The following PTCH2 variants were observed in gnomAD, a reference collection of about 807,000 sequenced individuals.
PTCH2 encodes the protein patched 2.
Under a neutral mutation model 117.9 loss-of-function variants are expected in PTCH2, and 96 were observed. That is an observed-to-expected ratio of 0.81 (90% CI 0.69 to 0.96). The LOEUF is 0.96. Ranked by LOEUF, PTCH2 falls within the 50% of genes least tolerant of loss-of-function variation. The pLI, the probability that PTCH2 is intolerant of heterozygous loss-of-function variation, is 0.00. For synonymous variants in PTCH2, 615 were observed against 660.9 expected, an observed-to-expected ratio of 0.93 and a Z score of 1.06; for missense variants, 1,379 against 1,562.5, an observed-to-expected ratio of 0.88 and a Z score of 1.98.
intron 2 of PTCH2, among the ~76,000 whole-genome samples, chr1:44,833,030 G>T (rs571452702): frequency 1.1e-4 from 17 of 152,260 alleles, no homozygotes; most frequent in African/African-American, 3.6e-4. Context: ...AACCCTGGCA[G>T]GGGTGAAATC....
Position 44,827,654 on chromosome 1 carries a change from C to T in PTCH2, c.2119G>A (p.Val707Met). Residue 707 changes from valine to methionine, a missense_variant, in exon 15 of 22, where the codon GTG becomes ATG. Physicochemically the swap from Val to Met is conservative, Grantham distance 21. Coordinates refer to ENST00000372192, the MANE Select transcript of PTCH2 (RefSeq NM_003738.5). ...LGLSLYGATL[V>M]QDGLALTDVV... is the part of the protein sequence containing the mutation. ...TCCGTCAGGGCCAGGCCGTCTTGCA[C>T]CAAGGTGGCTCCGTAGAGGCTCAGG... 1 of 1,613,226 alleles carries T rather than the reference C, an allele frequency of 6.2e-7. No homozygotes were observed. Among genetic ancestry groups the T allele is most frequent in the Non-Finnish European group, 8.5e-7 (1 of 1,180,026 alleles).
chr1:44,825,395 C>T (rs1427692838), intron 19 of PTCH2, among the ~76,000 whole-genome samples: 1 of 152,150 alleles, frequency 6.6e-6, no homozygotes, highest in Non-Finnish European at 1.5e-5. Flanking sequence ...ACCTCGGCTT[C>T]CCAAAGTGCT....
Position 44,829,620 on chromosome 1 carries a change from A to G in PTCH2, c.1077T>C (p.Phe359=). The G allele has an allele frequency of 6.2e-7, 1 of 1,614,218 alleles. No homozygotes were observed. Residue 359 remains phenylalanine (F), a synonymous_variant, in exon 8 of 22, where the codon TTT becomes TTC. Coordinates refer to ENST00000372192, the MANE Select transcript of PTCH2 (RefSeq NM_003738.5). The part of the protein sequence containing the change: ...STVLQAWQRR[F]VQLAQEALPE... ...TGTCCTTGTCCATACCGACCTGCAC[A>G]AAGCGCCGCTGCCAGGCTTGTAGCA...
rs1222116549 is a variant in PTCH2, at chr1:44,831,658, G to A, written c.617+48C>T. On this transcript the variant is annotated intron_variant, in intron 5 of 21. Transcript: ENST00000372192. The surrounding 1 kb of genome is among the most constrained non-coding windows in gnomAD (Gnocchi z 4.3). ...TCCCCAGACCCCTCCTTTCTGCTGG[G>A]AGAGTCCCCAGCGGGAGATGAAGCA... The A allele has an allele frequency of 1.3e-6, 2 of 1,493,512 alleles. No homozygotes were observed. Among genetic ancestry groups the A allele is most frequent in the Admixed American group, 2.0e-5 (1 of 50,946 alleles). The allele number at this position is 1,493,512 out of a possible 1,614,324, so 92.5% of individuals were successfully genotyped here. A position where few individuals can be genotyped will look rare whatever the true frequency, so the allele number is the denominator to read the frequency against.
chr1:44,834,909 C>G (rs568185891), intron 2 of PTCH2, among the ~76,000 whole-genome samples: 26 of 152,256 alleles, frequency 1.7e-4, no homozygotes, highest in African/African-American at 6.0e-4. Context: ...TAGGAAATTG[C>G]ATGGCACACA....
chr1:44,829,971 C>A lies in PTCH2; in HGVS notation c.873G>T (p.Met291Ile), dbSNP rs374026806. 3.8e-5 allele frequency: 62 copies of A among 1,614,050 alleles called. No homozygotes were observed. The highest frequency in any genetic ancestry group is 4.9e-5 in the Non-Finnish European group (58 of 1,180,022). Reference sequence around the variant, plus strand: ...CCAGCAGCAATTCCTCCTGCCAGTGCATGAATTTGTGGGAGAAGCCATGGC... The same window carrying A: ...CCAGCAGCAATTCCTCCTGCCAGTGAATGAATTTGTGGGAGAAGCCATGGC... ...GGCHGFSHKF[M>I]HWQEELLLGG... The change falls in exon 7 of 22, where the codon ATG (methionine) becomes ATT (isoleucine). Residue 291 changes from methionine to isoleucine, a missense_variant. Physicochemically the swap from Met to Ile is conservative, Grantham distance 10. Transcript: ENST00000372192.
At position 44,823,666 on chromosome 1, in the gene PTCH2, C is replaced by T. The variant is rs182461458; in HGVS notation, c.3115-281G>A. Among the ~76,000 whole-genome samples the T allele has an allele frequency of 2.4e-4, 36 of 151,390 alleles. No individual in the cohort carries two copies. The East Asian group carries it at 5.1e-3, about 21-fold the overall frequency. On this transcript the variant is annotated intron_variant, in intron 19 of 21. Coordinates refer to ENST00000372192, the MANE Select transcript of PTCH2 (RefSeq NM_003738.5). The surrounding 1 kb of genome is among the most constrained non-coding windows in gnomAD (Gnocchi z 5.1). ...CTCTTAAAACAAACAAGCCCGGGCA[C>T]GGTGGCTCATGCCTGTAATCCCAGC...
At chr1:44,838,729 CT>C (rs750441536) in intron 2 of PTCH2, among the ~76,000 whole-genome samples, 224 of 144,242 alleles carry the variant, frequency 1.6e-3, no homozygotes, top group Middle Eastern at 3.7e-3. Context: ...TTTTTCTTTT[CT>C]TTTTTTTTTT....
At chr1:44,825,438 C>T (rs1653099283) in intron 19 of PTCH2, among the ~76,000 whole-genome samples, 1 of 152,248 alleles carries the variant, frequency 6.6e-6, no homozygotes, top group African/African-American at 2.4e-5. Flanking sequence ...TCACCCAGCC[C>T]TTATTGTCTA....
At chr1:44,842,181 C>A in intron 1 of PTCH2, 142 bp from the exon 2 acceptor site, 1 of 776,690 alleles carries the variant, frequency 1.3e-6, no homozygotes, top group Non-Finnish European at 2.2e-6. Context: ...CAGACACAGG[C>A]CCAGACTTGG....
chr1:44,843,194 C>A lies in PTCH2; in HGVS notation c.-262G>T. 8.2e-7 allele frequency: 1 copy of A among 1,212,362 alleles called. No homozygotes were observed. Among genetic ancestry groups the A allele is most frequent in the Non-Finnish European group, 1.0e-6 (1 of 972,756 alleles). The allele number at this position is 1,212,362 out of a possible 1,614,324, so 75.1% of individuals were successfully genotyped here. On this transcript the variant is annotated 5_prime_UTR_variant, in exon 1 of 22. Coordinates refer to ENST00000372192, the MANE Select transcript of PTCH2 (RefSeq NM_003738.5). ...CGCGGCGGCTGGAGGAGGAATGGGTCCCGCGCGCAGGCGGAATTGCTGGCC... is the reference window on the plus strand; with the variant it reads ...CGCGGCGGCTGGAGGAGGAATGGGTACCGCGCGCAGGCGGAATTGCTGGCC...
At chr1:44,820,448 A>G, downstream of PTCH2, 3 of 681,392 alleles carry the variant, frequency 4.4e-6, no homozygotes, top group Non-Finnish European at 5.4e-6. Flanking sequence ...ACAGACGGGC[A>G]CAGACACTCA....
chr1:44,838,721 T>C (rs1653794737), intron 2 of PTCH2, among the ~76,000 whole-genome samples: 1 of 151,990 alleles, frequency 6.6e-6, no homozygotes, highest in Non-Finnish European at 1.5e-5. Flanking sequence ...AATCTTTCTT[T>C]TTCTTTTCTT....
chr1:44,820,494 C>A, downstream of PTCH2: 1 of 686,220 alleles, frequency 1.5e-6, no homozygotes, highest in Non-Finnish European at 2.7e-6. Context: ...ACGACCCCAC[C>A]CCTCCTGGAG....
Position 44,826,645 on chromosome 1 carries a change from G to A in PTCH2, c.2819C>T (p.Ala940Val), listed in dbSNP as rs201324841. 1 of 1,612,308 alleles carries A rather than the reference G, an allele frequency of 6.2e-7. No homozygotes were observed. Among genetic ancestry groups the A allele is most frequent in the East Asian group, 2.2e-5 (1 of 44,858 alleles). ...GCCGCTGGGGTAGGCGTGCACCCCA[G>A]CCTGGCCGGCCTCTGCGCATGCTGC... is the stretch of plus-strand genomic sequence containing the variant. ...ARAACAEAGQ[A>V]GVHAYPSGSP... The change falls in exon 18 of 22, where the codon GCT (alanine) becomes GTT (valine). Residue 940 changes from alanine to valine, a missense_variant. Ala to Val is a moderately conservative substitution (Grantham distance 64). Transcript: ENST00000372192. This position sits in a 1 kb window ranked among gnomAD's most constrained non-coding sequence, Gnocchi z 5.1.
Position 44,829,672 on chromosome 1 carries a change from C to T in PTCH2, c.1025G>A (p.Gly342Asp), listed in dbSNP as rs747144747. Residue 342 changes from glycine to aspartate, a missense_variant, in exon 8 of 22, where the codon GGC (glycine) becomes GAC (aspartate). Transcript: ENST00000372192. ...FRGDYQTHDI[G>D]WSEEQASTVL... ...TGTGCTGGCCTGCTCCTCACTCCAG[C>T]CAATGTCATGTGTCTGATAGTCACC... 1 of 1,614,206 alleles carries T rather than the reference C, an allele frequency of 6.2e-7. No individual in the cohort carries two copies. The highest frequency in any genetic ancestry group is 8.5e-7 in the Non-Finnish European group (1 of 1,180,050).
rs80168454 is a variant in PTCH2, at chr1:44,832,296, A to G, written c.311T>C (p.Leu104Pro). The change falls in exon 3 of 22, where the codon CTG becomes CCG. Residue 104 changes from leucine to proline, a missense_variant. Leu to Pro is a moderately conservative substitution (Grantham distance 98). Coordinates refer to ENST00000372192, the MANE Select transcript of PTCH2 (RefSeq NM_003738.5). ...AGAGGTGTATGCAGCCTCCTCCCCCAGCTTCTCCTTGGTGTAATGCAGCTC... is the reference window on the plus strand; with the variant it reads ...AGAGGTGTATGCAGCCTCCTCCCCCGGCTTCTCCTTGGTGTAATGCAGCTC... Reference protein sequence around the residue: ...SQELHYTKEKLGEEAAYTSQM... With the variant: ...SQELHYTKEKPGEEAAYTSQM... 1.2e-4 allele frequency: 195 copies of G among 1,614,166 alleles called. 1 individual carries two copies. In the East Asian group the frequency reaches 4.1e-3, roughly 34 times the overall value.
chr1:44,823,471 C>T lies in PTCH2; in HGVS notation c.3115-86G>A. On this transcript the variant is annotated intron_variant, in intron 19 of 21. Coordinates refer to ENST00000372192, the MANE Select transcript of PTCH2 (RefSeq NM_003738.5). This position sits in a 1 kb window ranked among gnomAD's most constrained non-coding sequence, Gnocchi z 5.1. Reference sequence around the variant, plus strand: ...TCCCGAGCTGTATCTGTCTTCAGAGCTCAACGATACCTTGGCCCACCAAAG... The same window carrying T: ...TCCCGAGCTGTATCTGTCTTCAGAGTTCAACGATACCTTGGCCCACCAAAG... The T allele has an allele frequency of 6.3e-7, 1 of 1,584,860 alleles. No homozygotes were observed. Among genetic ancestry groups the T allele is most frequent in the South Asian group, 1.1e-5 (1 of 89,134 alleles).
intron 19 of PTCH2, among the ~76,000 whole-genome samples, chr1:44,824,065 C>T (rs989591520): frequency 6.6e-6 from 1 of 152,048 alleles, no homozygotes; most frequent in East Asian, 1.9e-4. Flanking sequence ...CAATTTTGTG[C>T]TTTGATGGCA....
Sources: gnomAD v4.1 joint callset for allele counts (sites outside exome capture counted in the v4.1 genomes callset) on GRCh38, gnomAD v4.1.1 for gene constraint, Gnocchi (gnomAD v3.1) non-coding constraint, MANE v1.5 for transcripts, NCBI Gene and HGNC (gene_info 2026-07-23, HGNC 2026-07-21) for gene names.